The following ARID4B variants were observed in gnomAD, a reference collection of about 807,000 sequenced individuals.
The protein encoded by ARID4B is AT-rich interaction domain 4B, also known as AT-rich interactive domain-containing protein 4B.
ARID4B carries 26 observed loss-of-function variants against 147.5 expected under a neutral mutation model. The observed-to-expected ratio is 0.18, with a 90% CI of 0.13 to 0.24. ARID4B has a LOEUF of 0.24. ARID4B is among the 10% of genes least tolerant of loss of function. The pLI, the probability that ARID4B is intolerant of heterozygous loss-of-function variation, is 1.00. For missense variants in ARID4B, 1,179 were observed against 1,511.5 expected (o/e 0.78, Z 3.65); for synonymous variants, 512 against 507.9 (o/e 1.01, Z -0.11).
intron 13 of ARID4B, among the ~76,000 whole-genome samples, chr1:235,222,404 G>C (rs993645535): frequency 5.9e-5 from 9 of 152,120 alleles, no homozygotes; most frequent in Non-Finnish European, 1.0e-4. Flanking sequence ...TTCTCAATTG[G>C]ATAAGTATCG....
intron 5 of ARID4B, among the ~76,000 whole-genome samples, chr1:235,254,673 A>T (rs542092263): frequency 3.3e-5 from 5 of 152,092 alleles, no homozygotes; most frequent in African/African-American, 1.2e-4. Context: ...AGTAGTAAAC[A>T]GTTAATATCC....
intron 7 of ARID4B, among the ~76,000 whole-genome samples, 164 bp downstream of exon 7, chr1:235,246,256 G>A (rs547665695): frequency 6.6e-6 from 1 of 152,282 alleles, no homozygotes; most frequent in East Asian, 1.9e-4. Context: ...TGAGCATGGA[G>A]AACCTCAATC....
chr1:235,246,003 T>C (rs1449618335), intron 7 of ARID4B, among the ~76,000 whole-genome samples: 1 of 152,078 alleles, frequency 6.6e-6, no homozygotes, highest in Non-Finnish European at 1.5e-5. Flanking sequence ...TCAAGGAAAG[T>C]GTGGGGAGAC....
intron 5 of ARID4B, 63 bp downstream of exon 5, chr1:235,255,597 T>C (rs1205494567): frequency 9.7e-7 from 1 of 1,034,870 alleles, no homozygotes; most frequent in Non-Finnish European, 1.4e-6. Flanking sequence ...TTTCATTTTA[T>C]TTGTATTAAG....
At chr1:235,260,796 C>T in intron 2 of ARID4B, 44 bp from the exon 3 acceptor site, 1 of 1,361,648 alleles carries the variant, frequency 7.3e-7, no homozygotes, top group Non-Finnish European at 1.0e-6. Flanking sequence ...CTCTCTAATT[C>T]TTTCCCATAA....
At chr1:235,248,036 C>T (rs1485277326) in intron 6 of ARID4B, among the ~76,000 whole-genome samples, 3 of 152,034 alleles carry the variant, frequency 2.0e-5, no homozygotes, top group Non-Finnish European at 4.4e-5. Context: ...GTCCTAAACT[C>T]AGTATATACC....
chr1:235,259,526 T>C (rs1398570206), intron 3 of ARID4B, among the ~76,000 whole-genome samples: 1 of 152,228 alleles, frequency 6.6e-6, no homozygotes, highest in African/African-American at 2.4e-5. Context: ...GGCTTTCTCT[T>C]CCTCTACAGG....
intron 7 of ARID4B, among the ~76,000 whole-genome samples, chr1:235,246,144 C>T (rs1211670517): frequency 1.3e-5 from 2 of 151,984 alleles, no homozygotes; most frequent in African/African-American, 4.8e-5. Flanking sequence ...AGAAAACAAG[C>T]GATGTATTCA....
chr1:235,220,202 TAAAG>T (rs1378054622), intron 15 of ARID4B, 96 bp downstream of exon 15: 22 of 1,059,884 alleles, frequency 2.1e-5, no homozygotes, highest in Non-Finnish European at 2.8e-5. Context: ...AAACAAATAA[TAAAG>T]AATAATATTA....
chr1:235,174,017 A>C (rs554233623), intron 22 of ARID4B, among the ~76,000 whole-genome samples: 5 of 150,856 alleles, frequency 3.3e-5, no homozygotes, highest in Non-Finnish European at 5.9e-5. Context: ...TTTAAATCAA[A>C]TTACCGACAT....
chr1:235,272,835 T>C (rs1474906284), intron 2 of ARID4B, among the ~76,000 whole-genome samples: 3 of 152,132 alleles, frequency 2.0e-5, no homozygotes, highest in Non-Finnish European at 4.4e-5. Context: ...TTATTACCAT[T>C]CTTTTTAAAG....
chr1:235,307,086 A>AG (rs1673625189), intron 2 of ARID4B, among the ~76,000 whole-genome samples: 1 of 152,186 alleles, frequency 6.6e-6, no homozygotes, highest in African/African-American at 2.4e-5. Flanking sequence ...CAAATTACAG[A>AG]GAAAAAAAAT....
Position 235,175,336 on chromosome 1 carries a change from T to C in ARID4B, c.3512A>G (p.Lys1171Arg). Residue 1171 changes from lysine (K) to arginine (R), a missense_variant, in exon 22 of 24, where the codon AAA becomes AGA. Coordinates refer to ENST00000264183, the MANE Select transcript of ARID4B (RefSeq NM_016374.6). ...AGACTTCATTCCAGTGGAAACTGAT[T>C]TGACTGGCTGACTCTTAGTTATACT... ...GESITKSQPV[K>R]SVSTGMKSHS... 6.2e-7 allele frequency: 1 copy of C among 1,614,202 alleles called. No individual in the cohort carries two copies. Among genetic ancestry groups the C allele is most frequent in the Non-Finnish European group, 8.5e-7 (1 of 1,180,028 alleles).
At position 235,209,234 on chromosome 1, in the gene ARID4B, G is replaced by A. The variant is rs548265906; in HGVS notation, c.1841+4535C>T. On this transcript the variant is annotated intron_variant, in intron 17 of 23. Coordinates refer to ENST00000264183, the MANE Select transcript of ARID4B (RefSeq NM_016374.6). ...TCACGCCTATAATCCCACCACTTAC[G>A]GGGGCAGAGGTGGATCACCTGAGGT... is the stretch of plus-strand genomic sequence containing the variant. Among the ~76,000 whole-genome samples the A allele has an allele frequency of 3.9e-5, 6 of 152,262 alleles. No homozygotes were observed. In the East Asian group the frequency reaches 5.8e-4, roughly 15 times the overall value.
rs755335893 is a variant in ARID4B, at chr1:235,246,531, C to G, written c.355-20G>C. ...TAATGTCTGTGGGTAAGAACATAAA[C>G]CCATCAAAAAATTAACACTTTGCAA... is the stretch of plus-strand genomic sequence containing the variant. On this transcript the variant is annotated intron_variant, in intron 6 of 23. Transcript: ENST00000264183. 2 of 1,574,082 alleles carry G rather than the reference C, an allele frequency of 1.3e-6. No homozygotes were observed. Among genetic ancestry groups the G allele is most frequent in the Admixed American group, 3.4e-5 (2 of 58,592 alleles).
intron 11 of ARID4B, among the ~76,000 whole-genome samples, chr1:235,225,074 T>C (rs201976494): frequency 4.3e-3 from 191 of 44,778 alleles, no homozygotes; most frequent in African/African-American, 0.014. Flanking sequence ...TTTTGTTTTG[T>C]TTTTTTTACC....
chr1:235,309,282 CCGCCCCA>C (rs1673837256), intron 2 of ARID4B, among the ~76,000 whole-genome samples: 2 of 145,984 alleles, frequency 1.4e-5, no homozygotes, highest in African/African-American at 2.5e-5. Context: ...CGCCCGGCAG[CCGCCCCA>C]TCTGAGAAGT....
chr1:235,283,888 C>A (rs912092879), intron 2 of ARID4B, among the ~76,000 whole-genome samples: 1 of 151,998 alleles, frequency 6.6e-6, no homozygotes, highest in African/African-American at 2.4e-5. Flanking sequence ...ACATGCGCCA[C>A]CACACCCTGC....
rs973419543 is a variant in ARID4B, at chr1:235,177,670, G to A, written c.3448+130C>T. ...GCAAGTAGCCTTACAGAATTTGTGT[G>A]ACTTTTTTTGAGTGTACAGACAAAA... On this transcript the variant is annotated intron_variant, in intron 21 of 23. Coordinates refer to ENST00000264183, the MANE Select transcript of ARID4B (RefSeq NM_016374.6). The A allele has an allele frequency of 1.5e-5, 8 of 545,734 alleles. No homozygotes were observed. The African/African-American group carries it at 1.6e-4, about 11-fold the overall frequency. The allele number at this position is 545,734 out of a possible 1,614,324, so 33.8% of individuals were successfully genotyped here.
Sources: allele counts gnomAD v4.1 joint callset (sites outside exome capture counted in the v4.1 genomes callset), GRCh38; gene constraint gnomAD v4.1.1; transcripts MANE v1.5; gene names NCBI Gene and HGNC (gene_info 2026-07-23, HGNC 2026-07-21).